The following DLC1 variants were observed in gnomAD, a reference collection of about 807,000 sequenced individuals.
DLC1 encodes DLC1 Rho GTPase activating protein.
Under a neutral mutation model 140.3 loss-of-function variants are expected in DLC1, and 54 were observed. That is an observed-to-expected ratio of 0.38 (90% confidence interval 0.31 to 0.48). The LOEUF (loss-of-function observed/expected upper bound fraction) is 0.48. DLC1 is among the 20% of genes least tolerant of loss of function. The pLI is 0.96. For synonymous variants in DLC1, 986 were observed against 728.1 expected, an observed-to-expected ratio of 1.35 and a Z score of -5.70; for missense variants, 2,536 against 1,907.0, an observed-to-expected ratio of 1.33 and a Z score of -6.14.
intron 1 of DLC1, chr8:13,558,145 C>T (rs1166095486): frequency 1.3e-5 from 2 of 152,202 alleles, no homozygotes; most frequent in Non-Finnish European, 2.9e-5. Flanking sequence ...GTTTCAGCAG[C>T]TGGGCTTGTG....
At chr8:13,256,697 G>A (rs1241958030) in intron 5 of DLC1, among the ~76,000 whole-genome samples, 2 of 152,050 alleles carry the variant, frequency 1.3e-5, no homozygotes, top group South Asian at 2.1e-4. Context: ...CACAGGGAGG[G>A]GAACATCACA....
intron 1 of DLC1, among the ~76,000 whole-genome samples, chr8:13,530,013 A>T (rs968398463): frequency 1.3e-5 from 2 of 152,178 alleles, no homozygotes; most frequent in African/African-American, 4.8e-5. Context: ...GTAGTGGAGG[A>T]TGCGAAGAGG....
At chr8:13,368,412 C>T (rs990786310) in intron 4 of DLC1, among the ~76,000 whole-genome samples, 3 of 152,028 alleles carry the variant, frequency 2.0e-5, no homozygotes, top group African/African-American at 7.3e-5. Flanking sequence ...GCACCTCAGG[C>T]AGCAGCACAA....
At chr8:13,148,388 G>C (rs1823583495) in intron 5 of DLC1, among the ~76,000 whole-genome samples, 1 of 152,142 alleles carries the variant, frequency 6.6e-6, no homozygotes, top group Admixed American at 6.5e-5. Context: ...TGCAGTATTT[G>C]GTTTTCTGTT....
At chr8:13,417,081 C>A (rs1348781921) in intron 2 of DLC1, among the ~76,000 whole-genome samples, 2 of 152,018 alleles carry the variant, frequency 1.3e-5, no homozygotes, top group African/African-American at 4.8e-5. Context: ...AATGTGTCAA[C>A]AATTATTTCT....
chr8:13,443,527 C>T (rs576409988), intron 2 of DLC1, among the ~76,000 whole-genome samples: 5 of 151,372 alleles, frequency 3.3e-5, no homozygotes, highest in East Asian at 2.0e-4. Context: ...GGCATGGTGG[C>T]GGATGCCTGT....
intron 2 of DLC1, among the ~76,000 whole-genome samples, chr8:13,425,029 T>TA (rs1563335619): frequency 6.6e-6 from 1 of 152,136 alleles, no homozygotes; most frequent in Non-Finnish European, 1.5e-5. Flanking sequence ...GACTTTTTTT[T>TA]CACATGCCAT....
intron 1 of DLC1, among the ~76,000 whole-genome samples, chr8:13,534,368 A>G (rs1803197674): frequency 6.6e-6 from 1 of 152,132 alleles, no homozygotes; most frequent in Non-Finnish European, 1.5e-5. Context: ...CCACTTAAGT[A>G]CACACACACC....
At chr8:13,477,047 C>T (rs1256936822) in intron 2 of DLC1, among the ~76,000 whole-genome samples, 2 of 152,136 alleles carry the variant, frequency 1.3e-5, no homozygotes, top group African/African-American at 4.8e-5. Context: ...TATGGACTCA[C>T]TCCTTTGTGC....
chr8:13,308,896 A>G (rs528364483), intron 4 of DLC1, among the ~76,000 whole-genome samples: 25 of 152,202 alleles, frequency 1.6e-4, no homozygotes, highest in South Asian at 6.2e-4. Flanking sequence ...ATTTGGGTCC[A>G]TGTCCTGAGG....
In DLC1 at chr8:13,100,618, CTTCGGGTGGGAGTCGTCT is replaced by C; in HGVS notation, c.1701_1718del (p.Asp569_Asp574del). On this transcript the variant is annotated inframe_deletion, in exon 9 of 18. Coordinates refer to ENST00000276297, the MANE Select transcript of DLC1 (RefSeq NM_182643.3). ...GCGTGCCTCCGGGGCTGGGGCCGTC[CTTCGGGTGGGAGTCGTCT>C]GGGGACCCAGGGACCAGGTCTTGTT... The C allele has an allele frequency of 2.2e-5, 36 of 1,614,098 alleles. No individual in the cohort carries two copies. The highest frequency in any genetic ancestry group is 3.1e-5 in the Non-Finnish European group (36 of 1,180,012).
chr8:13,306,940 C>T (rs903468758), intron 4 of DLC1, among the ~76,000 whole-genome samples: 8 of 151,500 alleles, frequency 5.3e-5, no homozygotes, highest in Admixed American at 3.3e-4. Flanking sequence ...AAAAATTAGC[C>T]GGGCATAGTG....
intron 4 of DLC1, among the ~76,000 whole-genome samples, chr8:13,316,755 C>G (rs1268652573): frequency 6.6e-6 from 1 of 152,158 alleles, no homozygotes; most frequent in Non-Finnish European, 1.5e-5. Context: ...GCTTCCTTCT[C>G]TGGTCATTTG....
intron 5 of DLC1, among the ~76,000 whole-genome samples, chr8:13,282,394 T>C (rs1019517515): frequency 1.3e-5 from 2 of 152,188 alleles, no homozygotes; most frequent in African/African-American, 4.8e-5. Flanking sequence ...AGGAACTTTT[T>C]TCTATGTCAT....
chr8:13,274,966 C>T (rs796686185), intron 5 of DLC1, among the ~76,000 whole-genome samples: 17 of 152,280 alleles, frequency 1.1e-4, no homozygotes, highest in African/African-American at 3.6e-4. Flanking sequence ...CAAATGAGAT[C>T]ATACACCTTA....
chr8:13,384,944 C>T (rs1468224241), intron 4 of DLC1, among the ~76,000 whole-genome samples: 1 of 152,020 alleles, frequency 6.6e-6, no homozygotes, highest in Non-Finnish European at 1.5e-5. Flanking sequence ...TCAACATTTT[C>T]CTCTTTCTTA....
At chr8:13,591,164 A>T (rs1805501681) in intron 1 of DLC1, among the ~76,000 whole-genome samples, 1 of 152,118 alleles carries the variant, frequency 6.6e-6, no homozygotes, top group Non-Finnish European at 1.5e-5. Flanking sequence ...GAGATATTAA[A>T]AATAGAATGG....
At chr8:13,189,609 G>A (rs145604278) in intron 5 of DLC1, among the ~76,000 whole-genome samples, 4 of 152,274 alleles carry the variant, frequency 2.6e-5, no homozygotes, top group East Asian at 3.9e-4. Context: ...CTGGCAGGGC[G>A]CTGTGTCTCA....
At chr8:13,344,912 T>C (rs1834256316) in intron 4 of DLC1, among the ~76,000 whole-genome samples, 1 of 152,194 alleles carries the variant, frequency 6.6e-6, no homozygotes, top group Non-Finnish European at 1.5e-5. Context: ...ATAAGTTTAG[T>C]CAACTTCTAA....
Sources: gnomAD v4.1 joint callset for allele counts (sites outside exome capture counted in the v4.1 genomes callset) on GRCh38, gnomAD v4.1.1 for gene constraint, MANE v1.5 for transcripts, NCBI Gene and HGNC (gene_info 2026-07-23, HGNC 2026-07-21) for gene names.